SNX10: variants seen among roughly 807,000 people sequenced by gnomAD.
SNX10 encodes the protein sorting nexin-10.
SNX10 carries 25 observed loss-of-function variants against 28.5 expected under a neutral mutation model. The observed-to-expected ratio is 0.88, with a 90% confidence interval of 0.64 to 1.22. The LOEUF is 1.22. Ranked by LOEUF, SNX10 falls within the 50% of genes most tolerant of loss-of-function variation. The pLI is 0.00. For missense variants in SNX10, 223 were observed against 242.6 expected (o/e 0.92, Z 0.54); for synonymous variants, 62 against 81.4 (o/e 0.76, Z 1.28).
chr7:26,373,331 A>G lies in SNX10; in HGVS notation c.*759A>G, dbSNP rs1266860003. On this transcript the variant is annotated 3_prime_UTR_variant, in exon 7 of 7. Transcript: ENST00000338523. The surrounding 1 kb of genome is among the most constrained non-coding windows in gnomAD (Gnocchi z 4.2). The stretch of plus-strand genomic sequence containing the variant: ...AATAATTTGTTTTCATTATCATTGT[A>G]TAATCAGGTTAATGATTTATTTTTT... 2.6e-5 allele frequency: 4 copies of G among 152,110 alleles called. No individual in the cohort carries two copies. The highest frequency in any genetic ancestry group is 9.6e-5 in the African/African-American group (4 of 41,464). 9.4% of individuals were successfully genotyped at this position (152,110 alleles called of 1,614,324 possible).
chr7:26,344,525 G>A (rs1474256562), intron 1 of SNX10, among the ~76,000 whole-genome samples: 1 of 152,148 alleles, frequency 6.6e-6, no homozygotes, highest in African/African-American at 2.4e-5. Flanking sequence ...TACGGTGTCT[G>A]TCTTTTTGTG....
In SNX10 at chr7:26,303,975, T is replaced by C. The variant is rs76701984; in HGVS notation, c.-24+11889T>C. 8.2e-3 allele frequency among the ~76,000 whole-genome samples: 1,249 copies of C among 152,320 alleles called. 18 individuals carry two copies. Among genetic ancestry groups the C allele is most frequent in the Non-Finnish European group, 0.011 (731 of 68,022 alleles). Reference sequence around the variant, plus strand: ...TGGCTTCTTGGGTTTGTCACAGACATTTCATATTAACTTGCCCAATACTTG... The same window carrying C: ...TGGCTTCTTGGGTTTGTCACAGACACTTCATATTAACTTGCCCAATACTTG... On this transcript the variant is annotated intron_variant, in intron 1 of 6. Coordinates refer to ENST00000338523, the MANE Select transcript of SNX10 (RefSeq NM_013322.3).
intron 1 of SNX10, among the ~76,000 whole-genome samples, chr7:26,344,951 A>C (rs1233408515): frequency 2.0e-5 from 3 of 152,142 alleles, no homozygotes; most frequent in African/African-American, 7.2e-5. Context: ...GCCCTAGGGC[A>C]GAATCCCCGC....
intron 1 of SNX10, among the ~76,000 whole-genome samples, chr7:26,327,106 A>G (rs531468173): frequency 3.1e-4 from 47 of 152,046 alleles, no homozygotes; most frequent in Non-Finnish European, 5.9e-4. Context: ...GTGCGCCACC[A>G]TCCCTGGCTA....
chr7:26,340,044 C>T (rs1179696437), intron 1 of SNX10, among the ~76,000 whole-genome samples: 1 of 151,684 alleles, frequency 6.6e-6, no homozygotes, highest in Non-Finnish European at 1.5e-5. Flanking sequence ...ACTTGTTATT[C>T]CTTATTTCAT....
intron 1 of SNX10, among the ~76,000 whole-genome samples, chr7:26,331,633 A>T (rs1438366595): frequency 1.3e-5 from 2 of 152,326 alleles, no homozygotes; most frequent in Admixed American, 1.3e-4. Context: ...CATACAGCTC[A>T]CTGGTGTTTG....
Position 26,311,463 on chromosome 7 carries a change from T to A in SNX10, c.-24+19377T>A, listed in dbSNP as rs75912990. 6.9e-3 allele frequency among the ~76,000 whole-genome samples: 1,053 copies of A among 152,290 alleles called. 10 individuals are homozygous for A. The highest frequency in any genetic ancestry group is 0.024 in the African/African-American group (1,003 of 41,548). On this transcript the variant is annotated intron_variant, in intron 1 of 6. Transcript: ENST00000338523. ...TTAAAATTTTTTTCTATCATTGACATACTTGAGAAGGCATAAGATACTCTT... is the reference window on the plus strand; with the variant it reads ...TTAAAATTTTTTTCTATCATTGACAAACTTGAGAAGGCATAAGATACTCTT...
chr7:26,316,545 T>C (rs1193462173), intron 1 of SNX10, among the ~76,000 whole-genome samples: 4 of 152,206 alleles, frequency 2.6e-5, no homozygotes, highest in Non-Finnish European at 4.4e-5. Flanking sequence ...GTTTTAAGCC[T>C]AATAATAATA....
intron 1 of SNX10, among the ~76,000 whole-genome samples, chr7:26,293,745 C>T (rs527974606): frequency 2.9e-4 from 44 of 152,282 alleles, no homozygotes; most frequent in African/African-American, 9.6e-4. Context: ...CTCAGGCTGA[C>T]ACTGTGCCCC....
Position 26,364,798 on chromosome 7 carries a change from A to G in SNX10, c.212+163A>G, listed in dbSNP as rs1267091875. ...GCTACTGCATCTGAATTTAAAATTTATCACTTAAATTTCACCAACTTTGAT... is the reference window on the plus strand; with the variant it reads ...GCTACTGCATCTGAATTTAAAATTTGTCACTTAAATTTCACCAACTTTGAT... On this transcript the variant is annotated intron_variant, in intron 4 of 6. Transcript: ENST00000338523. The surrounding 1 kb of genome is among the most constrained non-coding windows in gnomAD (Gnocchi z 4.9). Among the ~76,000 whole-genome samples, 2 of 152,204 alleles carry G rather than the reference A, an allele frequency of 1.3e-5. No individual in the cohort carries two copies. The highest frequency in any genetic ancestry group is 2.4e-5 in the African/African-American group (1 of 41,458).
At chr7:26,314,737 T>C (rs899038335) in intron 1 of SNX10, among the ~76,000 whole-genome samples, 3 of 152,164 alleles carry the variant, frequency 2.0e-5, no homozygotes, top group Non-Finnish European at 4.4e-5. Context: ...TGGTGGCTCA[T>C]GCCTGTAATC....
intron 1 of SNX10, among the ~76,000 whole-genome samples, chr7:26,329,430 C>G (rs111956611): frequency 6.6e-6 from 1 of 152,176 alleles, no homozygotes; most frequent in African/African-American, 2.4e-5. Flanking sequence ...TAGTCCTCAC[C>G]GAGTCCTGGT....
intron 1 of SNX10, among the ~76,000 whole-genome samples, chr7:26,320,488 G>A (rs993736787): frequency 1.3e-5 from 2 of 151,914 alleles, no homozygotes; most frequent in Admixed American, 6.6e-5. Flanking sequence ...CTGGAGTGCA[G>A]TGGTGCGATC....
At chr7:26,327,619 G>A (rs1027710957) in intron 1 of SNX10, among the ~76,000 whole-genome samples, 2 of 151,808 alleles carry the variant, frequency 1.3e-5, no homozygotes, top group South Asian at 4.2e-4. Flanking sequence ...TCCTCCATTA[G>A]GCTGAATATG....
chr7:26,337,960 C>T (rs886248680), intron 1 of SNX10, among the ~76,000 whole-genome samples: 2 of 152,158 alleles, frequency 1.3e-5, no homozygotes, highest in African/African-American at 4.8e-5. Context: ...ATATCCTCCT[C>T]AATGCTTTTT....
In SNX10 at chr7:26,351,820, C is replaced by G. The variant is rs571139737; in HGVS notation, c.24+5354C>G. On this transcript the variant is annotated intron_variant, in intron 2 of 6. Coordinates refer to ENST00000338523, the MANE Select transcript of SNX10 (RefSeq NM_013322.3). ...TACAGGTGCCTGCCACCACGCCCAG[C>G]CAATTTTTTGTATTTTTAGTAGAGG... Among the ~76,000 whole-genome samples, 3 of 151,600 alleles carry G rather than the reference C, an allele frequency of 2.0e-5. No homozygotes were observed. In the South Asian group the frequency reaches 6.2e-4, roughly 32 times the overall value.
At chr7:26,357,720 A>G (rs577277519) in intron 2 of SNX10, among the ~76,000 whole-genome samples, 1 of 152,278 alleles carries the variant, frequency 6.6e-6, no homozygotes, top group Non-Finnish European at 1.5e-5. Flanking sequence ...GAGAATGACT[A>G]TGAAGGACTT....
intron 1 of SNX10, among the ~76,000 whole-genome samples, chr7:26,338,054 T>C (rs1384061105): frequency 1.3e-5 from 2 of 152,136 alleles, no homozygotes; most frequent in African/African-American, 4.8e-5. Flanking sequence ...TGTTTTCATA[T>C]GTTTATTGGC....
intron 1 of SNX10, among the ~76,000 whole-genome samples, chr7:26,323,832 T>A (rs1426883183): frequency 1.3e-5 from 2 of 152,124 alleles, no homozygotes; most frequent in Non-Finnish European, 2.9e-5. Context: ...TTAGGATACA[T>A]TTGGAAGTAG....
Sources: gnomAD v4.1 joint callset for allele counts (sites outside exome capture counted in the v4.1 genomes callset) on GRCh38, gnomAD v4.1.1 for gene constraint, Gnocchi (gnomAD v3.1) non-coding constraint, MANE v1.5 for transcripts, NCBI Gene and HGNC (gene_info 2026-07-23, HGNC 2026-07-21) for gene names.